TUSC3: variants seen among roughly 807,000 people sequenced by gnomAD.
The protein encoded by TUSC3 is dolichyl-diphosphooligosaccharide--protein glycosyltransferase subunit TUSC3.
Under a neutral mutation model 44.8 loss-of-function variants are expected in TUSC3, and 45 were observed. The ratio of observed to expected loss-of-function variants is 1.00; its 90% CI spans 0.79 to 1.29. The LOEUF (loss-of-function observed/expected upper bound fraction) is 1.29. Among genes scored for constraint, TUSC3 ranks in the 50% most tolerant of loss-of-function variants. The pLI is 0.00. For synonymous variants in TUSC3, 212 were observed against 152.9 expected (o/e 1.39, Z -2.85); for missense variants, 519 against 437.9 (o/e 1.19, Z -1.65).
Position 15,670,056 on chromosome 8 carries a change from C to A in TUSC3, c.709-3691C>A, listed in dbSNP as rs116136450. Among the ~76,000 whole-genome samples the A allele has an allele frequency of 4.6e-3, 699 of 151,812 alleles. 5 individuals carry two copies. Among genetic ancestry groups the A allele is most frequent in the African/African-American group, 0.016 (674 of 41,470 alleles). ...GCATCACAAAAAGTTTTGAATCAATCTAATAAAAGATATGCACACTGAAAA... is the reference window on the plus strand; with the variant it reads ...GCATCACAAAAAGTTTTGAATCAATATAATAAAAGATATGCACACTGAAAA... On this transcript the variant is annotated intron_variant, in intron 5 of 10. Coordinates refer to ENST00000503731, the MANE Select transcript of TUSC3 (RefSeq NM_006765.4).
At chr8:15,723,460 G>T (rs1314226556) in intron 6 of TUSC3, among the ~76,000 whole-genome samples, 1 of 152,168 alleles carries the variant, frequency 6.6e-6, no homozygotes, top group Admixed American at 6.6e-5. Context: ...CACAAGATAT[G>T]TGCAGCCTCT....
chr8:15,627,191 G>C (rs926250134), intron 2 of TUSC3, among the ~76,000 whole-genome samples: 1 of 152,202 alleles, frequency 6.6e-6, no homozygotes, highest in African/African-American at 2.4e-5. Flanking sequence ...TCTCTGCTGA[G>C]AGCTGAGGAG....
At chr8:15,738,468 T>C (rs1250972251) in intron 7 of TUSC3, among the ~76,000 whole-genome samples, 1 of 152,148 alleles carries the variant, frequency 6.6e-6, no homozygotes, top group East Asian at 1.9e-4. Context: ...TAAAGTTTTA[T>C]TGGAACACAG....
At chr8:15,663,056 C>G (rs1034390952) in intron 5 of TUSC3, among the ~76,000 whole-genome samples, 10 of 151,784 alleles carry the variant, frequency 6.6e-5, no homozygotes, top group Admixed American at 5.9e-4. Context: ...TTCAGCAGTT[C>G]CCAGCTCACA....
rs535664129 is a variant in TUSC3, at chr8:15,645,901, C to G, written c.309-4796C>G. On this transcript the variant is annotated intron_variant, in intron 2 of 10. Transcript: ENST00000503731. The stretch of plus-strand genomic sequence containing the variant: ...AATCTGACTAAATGAGTTGTAGACT[C>G]TCTAGAATTCAGAAATTCTAATGTG... Among the ~76,000 whole-genome samples, 28 of 152,194 alleles carry G rather than the reference C, an allele frequency of 1.8e-4. No individual in the cohort carries two copies. The South Asian group carries it at 5.8e-3, about 32-fold the overall frequency.
chr8:15,578,717 C>T (rs1463596012), intron 1 of TUSC3, among the ~76,000 whole-genome samples: 1 of 151,998 alleles, frequency 6.6e-6, no homozygotes, highest in Admixed American at 6.6e-5. Context: ...TTCGTTTTGC[C>T]AGTATTTTAT....
the TUSC3 span, among the ~76,000 whole-genome samples, chr8:15,790,443 A>C: frequency 6.6e-6 from 1 of 152,154 alleles, no homozygotes; most frequent in African/African-American, 2.4e-5. Context: ...TTGGCCTCCC[A>C]AAGTGCTGGG....
rs2604358 is a variant in TUSC3 at position 15,744,579 on chromosome 8, C to G, written c.937+967C>G. On this transcript the variant is annotated intron_variant, in intron 8 of 10. Transcript: ENST00000503731. ...TTAGCTAGGGTGACATGTGTGTAAA[C>G]AAATCATAGTGCTTTCTAAATACTT... Among the ~76,000 whole-genome samples the G allele has an allele frequency of 5.9e-3, 901 of 152,144 alleles. 10 individuals are homozygous for G. The highest frequency in any genetic ancestry group is 0.02 in the African/African-American group (839 of 41,514).
At chr8:15,599,768 C>A (rs1804209530) in intron 1 of TUSC3, among the ~76,000 whole-genome samples, 1 of 147,418 alleles carries the variant, frequency 6.8e-6, no homozygotes, top group African/African-American at 2.5e-5. Context: ...CTATTCTGTA[C>A]TATTGATCTG....
At chr8:15,583,207 T>C (rs2129147540) in intron 1 of TUSC3, among the ~76,000 whole-genome samples, 1 of 152,340 alleles carries the variant, frequency 6.6e-6, no homozygotes, top group African/African-American at 2.4e-5. Flanking sequence ...TAGTATACTT[T>C]AGAAATCTTT....
chr8:15,542,443 C>T (rs1305183247), intron 1 of TUSC3, among the ~76,000 whole-genome samples: 5 of 151,882 alleles, frequency 3.3e-5, no homozygotes, highest in Admixed American at 6.6e-5. Context: ...TCACTTTTCC[C>T]ATCGTCGCCT....
At chr8:15,483,541 C>T (rs767985744) in intron 2 of TUSC3, 16 of 154,542 alleles carry the variant, frequency 1.0e-4, no homozygotes, top group Non-Finnish European at 2.3e-4. Flanking sequence ...TGTTTCTCCA[C>T]GTTGATCAGG....
intron 1 of TUSC3, among the ~76,000 whole-genome samples, chr8:15,426,487 G>A (rs1471871618): frequency 1.3e-5 from 2 of 152,310 alleles, no homozygotes; most frequent in East Asian, 3.9e-4. Flanking sequence ...GTAAGTGGAA[G>A]TCTACTATAT....
chr8:15,837,615 A>C, the TUSC3 span, among the ~76,000 whole-genome samples: 3,745 of 152,022 alleles, frequency 0.025, 53 homozygotes, highest in Middle Eastern at 0.052. Flanking sequence ...ATTTTCTGAG[A>C]TCTGCCAGCC....
intron 2 of TUSC3, among the ~76,000 whole-genome samples, chr8:15,638,507 C>CTTTTTTTTT (rs1301269279): frequency 8.9e-6 from 1 of 112,678 alleles, no homozygotes; most frequent in African/African-American, 3.3e-5. Context: ...CTTTTTTTTT[C>CTTTTTTTTT]TTTTTTTCTT....
chr8:15,657,095 T>C (rs1807209408), intron 3 of TUSC3, among the ~76,000 whole-genome samples: 1 of 152,146 alleles, frequency 6.6e-6, no homozygotes, highest in Non-Finnish European at 1.5e-5. Context: ...TCAGGGTCTT[T>C]CTCCCATTTT....
chr8:15,728,938 G>C (rs1029838228), intron 6 of TUSC3, among the ~76,000 whole-genome samples: 1 of 152,102 alleles, frequency 6.6e-6, no homozygotes, highest in African/African-American at 2.4e-5. Flanking sequence ...GTCAGATGAA[G>C]CAGATTTTTC....
At chr8:15,554,966 T>TCTTCATTA (rs1425352723) in intron 1 of TUSC3, among the ~76,000 whole-genome samples, 2 of 151,356 alleles carry the variant, frequency 1.3e-5, no homozygotes, top group African/African-American at 4.8e-5. Context: ...CAGAAAGCAA[T>TCTTCATTA]GAAGCGCTGC....
downstream of TUSC3, among the ~76,000 whole-genome samples, chr8:15,769,388 A>C (rs768687219): frequency 6.6e-6 from 1 of 152,198 alleles, no homozygotes; most frequent in Admixed American, 6.5e-5. Context: ...CAGAAAACTG[A>C]AACTGGACCC....
Sources: gnomAD v4.1 joint callset for allele counts (sites outside exome capture counted in the v4.1 genomes callset) on GRCh38, gnomAD v4.1.1 for gene constraint, MANE v1.5 for transcripts, NCBI Gene and HGNC (gene_info 2026-07-23, HGNC 2026-07-21) for gene names.